The following DGKI variants were observed in gnomAD, a reference collection of about 807,000 sequenced individuals.
DGKI encodes the protein DAG kinase iota.
DGKI carries 55 observed loss-of-function variants against 147.5 expected under a neutral mutation model. The observed-to-expected ratio is 0.37, with a 90% CI of 0.30 to 0.47. The LOEUF (loss-of-function observed/expected upper bound fraction) is 0.47. Ranked by LOEUF, DGKI falls within the 20% of genes least tolerant of loss-of-function variation. The pLI, the probability that DGKI is intolerant of heterozygous loss-of-function variation, is 1.00. For synonymous variants in DGKI, 469 were observed against 477.1 expected (o/e 0.98, Z 0.22); for missense variants, 1,007 against 1,323.8 (o/e 0.76, Z 3.71).
At chr7:137,800,564 G>A (rs575210818) in intron 1 of DGKI, among the ~76,000 whole-genome samples, 11 of 152,274 alleles carry the variant, frequency 7.2e-5, no homozygotes, top group Admixed American at 3.3e-4. Flanking sequence ...TATGCTTTCT[G>A]TACAGGCTAC....
chr7:137,724,194 T>C (rs1180749676), intron 1 of DGKI, among the ~76,000 whole-genome samples: 6 of 151,928 alleles, frequency 3.9e-5, no homozygotes, highest in Non-Finnish European at 8.8e-5. Flanking sequence ...GTGGGTGAGG[T>C]TGGACCTCAG....
chr7:137,705,554 G>A (rs1356348931), intron 1 of DGKI, among the ~76,000 whole-genome samples: 1 of 152,116 alleles, frequency 6.6e-6, no homozygotes, highest in Non-Finnish European at 1.5e-5. Flanking sequence ...TCAGAACAGT[G>A]GTTGCTGAGT....
chr7:137,777,863 A>G (rs1261872978), intron 1 of DGKI, among the ~76,000 whole-genome samples: 2 of 152,196 alleles, frequency 1.3e-5, no homozygotes, highest in Admixed American at 1.3e-4. Context: ...GAGTGAGAAG[A>G]CAAAGGGAAA....
chr7:137,671,525 C>T (rs1822843510), intron 3 of DGKI, among the ~76,000 whole-genome samples: 1 of 152,172 alleles, frequency 6.6e-6, no homozygotes, highest in Non-Finnish European at 1.5e-5. Flanking sequence ...ATAGTAGGTA[C>T]AGAAGAGGAG....
intron 19 of DGKI, among the ~76,000 whole-genome samples, chr7:137,555,764 T>C (rs998809707): frequency 3.9e-5 from 6 of 152,116 alleles, no homozygotes; most frequent in African/African-American, 1.4e-4. Context: ...CCTGCCCCAC[T>C]ACCCCCTCCC....
intron 2 of DGKI, among the ~76,000 whole-genome samples, chr7:137,680,492 C>A (rs1263437862): frequency 1.3e-5 from 2 of 152,118 alleles, no homozygotes; most frequent in South Asian, 4.2e-4. Flanking sequence ...GAAATATATA[C>A]CAAATGGCCA....
At chr7:137,614,657 G>A (rs975068980) in intron 8 of DGKI, among the ~76,000 whole-genome samples, 6 of 151,940 alleles carry the variant, frequency 3.9e-5, no homozygotes, top group Non-Finnish European at 7.4e-5. Flanking sequence ...TAAATAATGA[G>A]GTGATGAAAC....
chr7:137,643,465 G>A (rs938833118), intron 6 of DGKI, among the ~76,000 whole-genome samples: 1 of 152,134 alleles, frequency 6.6e-6, no homozygotes, highest in African/African-American at 2.4e-5. Context: ...TCCAAGGAAG[G>A]GTAATTTATT....
intron 30 of DGKI, among the ~76,000 whole-genome samples, chr7:137,401,906 C>T (rs982372737): frequency 3.9e-5 from 6 of 152,196 alleles, no homozygotes; most frequent in Admixed American, 6.5e-5. Flanking sequence ...ACTCTGCTTA[C>T]GACATTCACG....
At chr7:137,778,271 A>G (rs1388445658) in intron 1 of DGKI, among the ~76,000 whole-genome samples, 1 of 152,180 alleles carries the variant, frequency 6.6e-6, no homozygotes, top group Non-Finnish European at 1.5e-5. Context: ...AAGCCCAAGA[A>G]GGGGAGACTT....
chr7:137,837,017 G>A (rs1585553254), intron 1 of DGKI, among the ~76,000 whole-genome samples: 1 of 152,116 alleles, frequency 6.6e-6, no homozygotes, highest in Non-Finnish European at 1.5e-5. Flanking sequence ...GTGAAAAGAG[G>A]ACAAGAAAAG....
chr7:137,587,253 A>T (rs751354619), intron 12 of DGKI, 43 bp from the exon 13 acceptor site: 23 of 1,474,820 alleles, frequency 1.6e-5, no homozygotes, highest in Non-Finnish European at 1.9e-5. Flanking sequence ...AGAAAGATAA[A>T]TAAGTTACAA....
intron 32 of DGKI, among the ~76,000 whole-genome samples, chr7:137,394,202 A>T (rs1270490127): frequency 6.6e-6 from 1 of 152,186 alleles, no homozygotes; most frequent in Non-Finnish European, 1.5e-5. Context: ...ACAGCCCGCA[A>T]GCCATATGCG....
chr7:137,782,271 C>T (rs527625505), intron 1 of DGKI, among the ~76,000 whole-genome samples: 7 of 152,174 alleles, frequency 4.6e-5, no homozygotes, highest in Admixed American at 2.0e-4. Flanking sequence ...AGAGTGAGAC[C>T]GGCCATTAGG....
chr7:137,677,676 G>C (rs1349049159), intron 3 of DGKI, among the ~76,000 whole-genome samples: 1 of 152,054 alleles, frequency 6.6e-6, no homozygotes. Flanking sequence ...GCAATTTCAA[G>C]GCCCTACATC....
At chr7:137,736,950 C>A (rs1795039679) in intron 1 of DGKI, among the ~76,000 whole-genome samples, 1 of 151,902 alleles carries the variant, frequency 6.6e-6, no homozygotes, top group African/African-American at 2.4e-5. Context: ...AAATAATAAT[C>A]TTTGTTATCT....
In DGKI at chr7:137,382,144, C is replaced by CA. The variant is rs1455371228; in HGVS notation, c.*9075dup. 2 of 151,778 alleles carry CA rather than the reference C, an allele frequency of 1.3e-5. No homozygotes were observed. Among genetic ancestry groups the CA allele is most frequent in the Non-Finnish European group, 2.9e-5 (2 of 67,920 alleles). The allele number at this position is 151,778 out of a possible 1,614,324, so 9.4% of individuals were successfully genotyped here. ...TTTGAAATTACCTATAAATTTGAAA[C>CA]AAAAAATAGGGTAAACTGACAGGAC... On this transcript the variant is annotated 3_prime_UTR_variant, in exon 33 of 33. Coordinates refer to ENST00000614521, the MANE Select transcript of DGKI (RefSeq NM_001321708.2).
At chr7:137,391,960 G>A (rs980131768) in intron 32 of DGKI, among the ~76,000 whole-genome samples, 1 of 152,104 alleles carries the variant, frequency 6.6e-6, no homozygotes, top group Non-Finnish European at 1.5e-5. Flanking sequence ...AAAGCACAAA[G>A]AAGAAAAGGA....
chr7:137,566,849 G>T (rs920166796), intron 19 of DGKI, among the ~76,000 whole-genome samples: 9 of 137,664 alleles, frequency 6.5e-5, no homozygotes, highest in Admixed American at 2.1e-4. Context: ...GTCTTACAGA[G>T]ATTTTGAATT....
Sources: allele counts gnomAD v4.1 joint callset (sites outside exome capture counted in the v4.1 genomes callset), GRCh38; gene constraint gnomAD v4.1.1; transcripts MANE v1.5; gene names NCBI Gene and HGNC (gene_info 2026-07-23, HGNC 2026-07-21).